The following XK variants were observed in gnomAD, a reference collection of about 807,000 sequenced individuals.
The protein encoded by XK is X-linked Kx blood group antigen, Kell and VPS13A binding protein.
A neutral mutation model predicts 14.0 loss-of-function variants in XK; 2 were observed. That is an observed-to-expected ratio of 0.14 (90% CI 0.06 to 0.45). The LOEUF (loss-of-function observed/expected upper bound fraction) is 0.45, where lower values mean the gene tolerates loss of function less well. Among genes scored for constraint, XK ranks in the 20% least tolerant of loss-of-function variants. The pLI, the probability that XK is intolerant of heterozygous loss-of-function variation, is 0.98. For missense variants in XK, 235 were observed against 341.5 expected, an observed-to-expected ratio of 0.69 and a Z score of 2.46; for synonymous variants, 149 against 147.5, an observed-to-expected ratio of 1.01 and a Z score of -0.08.
At chrX:37,726,182 G>A (rs1927969327) in intron 2 of XK, among the ~76,000 whole-genome samples, 2 of 111,316 alleles carry the variant, frequency 1.8e-5, no homozygotes, top group African/African-American at 6.5e-5. Context: ...CTCTGGTGGG[G>A]GATGTTGATA....
At chrX:37,692,826 G>A (rs782215405) in intron 1 of XK, among the ~76,000 whole-genome samples, 106 of 112,261 alleles carry the variant, frequency 9.4e-4, no homozygotes, top group Non-Finnish European at 1.4e-3. Context: ...GGACGTGCTT[G>A]GGATTGAACT....
At chrX:37,725,051 G>A (rs1398934725) in intron 2 of XK, among the ~76,000 whole-genome samples, 3 of 111,663 alleles carry the variant, frequency 2.7e-5, no homozygotes, top group Non-Finnish European at 5.7e-5. Context: ...AAGATATTAT[G>A]CTAAGTGAGA....
rs782136392 is a variant in XK at position 37,709,160 on chromosome X, C to T, written c.508+14612C>T. On this transcript the variant is annotated intron_variant, in intron 2 of 2. Transcript: ENST00000378616. ...TCATTTACAGACCCAAAGATAGAGC[C>T]TCTTTGTAGCATGTACAAATAACAA... Among the ~76,000 whole-genome samples the T allele has an allele frequency of 2.7e-5, 3 of 111,889 alleles. No homozygotes were observed. In the East Asian group the frequency reaches 8.4e-4, roughly 31 times the overall value.
At chrX:37,722,177 A>G (rs1556449097) in intron 2 of XK, among the ~76,000 whole-genome samples, 1 of 111,806 alleles carries the variant, frequency 8.9e-6, no homozygotes. Flanking sequence ...ATGTTTGTGA[A>G]TTATAGCTTC....
intron 2 of XK, among the ~76,000 whole-genome samples, chrX:37,716,043 C>T (rs1477669550): frequency 8.9e-6 from 1 of 111,964 alleles, no homozygotes; most frequent in Admixed American, 9.5e-5. Context: ...CTACCCACCT[C>T]CACACAAGGG....
chrX:37,702,302 T>C (rs1291669225), intron 2 of XK, among the ~76,000 whole-genome samples: 4 of 111,454 alleles, frequency 3.6e-5, no homozygotes, highest in Non-Finnish European at 7.5e-5. Context: ...CCTGGAAATA[T>C]GAGGTTCAGT....
At chrX:37,711,447 G>C (rs1186745491) in intron 2 of XK, among the ~76,000 whole-genome samples, 9 of 112,536 alleles carry the variant, frequency 8.0e-5, no homozygotes, top group Non-Finnish European at 1.7e-4. Flanking sequence ...TGCCCATGGG[G>C]CCACCCCCAA....
At chrX:37,721,222 A>G (rs1156819400) in intron 2 of XK, among the ~76,000 whole-genome samples, 3 of 111,258 alleles carry the variant, frequency 2.7e-5, no homozygotes, top group Non-Finnish European at 5.7e-5. Context: ...GTATAAAATG[A>G]TATCTCATTA....
rs1927062736 is a variant in XK, at chrX:37,686,052, G to A, written c.91G>A (p.Gly31Ser). ...ALSLSSTYRS[G>S]GDRMWQALTL... is the part of the protein sequence containing the mutation. ...CAGCCTGAGCAGCACCTACCGCTCG[G>A]GCGGGGACCGCATGTGGCAGGCGCT... The change falls in exon 1 of 3, where the codon GGC becomes AGC. Residue 31 changes from glycine (G) to serine (S), a missense_variant. By Grantham distance (56) the Gly-to-Ser change is moderately conservative. Transcript: ENST00000378616. 1 of 1,210,729 alleles carries A rather than the reference G, an allele frequency of 8.3e-7. No homozygotes were observed. Among genetic ancestry groups the A allele is most frequent in the East Asian group, 3.0e-5 (1 of 33,786 alleles).
At chrX:37,693,265 G>C (rs782251416) in intron 1 of XK, among the ~76,000 whole-genome samples, 1 of 111,357 alleles carries the variant, frequency 9.0e-6, no homozygotes, top group East Asian at 2.8e-4. Flanking sequence ...GTTAGAGGAG[G>C]GACAAAAAGT....
intron 2 of XK, among the ~76,000 whole-genome samples, chrX:37,703,211 T>C (rs1234189657): frequency 1.8e-5 from 2 of 112,426 alleles, no homozygotes; most frequent in African/African-American, 6.5e-5. Flanking sequence ...AGAGTCTTCA[T>C]GAAAACAGAT....
chrX:37,707,544 G>A (rs1556445575), intron 2 of XK, among the ~76,000 whole-genome samples: 3 of 108,061 alleles, frequency 2.8e-5, no homozygotes, highest in African/African-American at 7.0e-5. Flanking sequence ...CGGCTGCCGG[G>A]CGGAGGGGCT....
Position 37,690,222 on chromosome X carries a change from T to A in XK, c.245+4016T>A, listed in dbSNP as rs371253392. 5.5e-4 allele frequency among the ~76,000 whole-genome samples: 61 copies of A among 111,818 alleles called. No homozygotes were observed. The South Asian group carries it at 0.022, about 41-fold the overall frequency. On this transcript the variant is annotated intron_variant, in intron 1 of 2. Coordinates refer to ENST00000378616, the MANE Select transcript of XK (RefSeq NM_021083.4). ...TTCATCCATGGTAAAACCCTGTGAG[T>A]TAACTGTCATTATCTTATTTTTACA...
At chrX:37,705,182 A>G (rs1176544076) in intron 2 of XK, among the ~76,000 whole-genome samples, 2 of 111,330 alleles carry the variant, frequency 1.8e-5, no homozygotes, top group Non-Finnish European at 3.8e-5. Flanking sequence ...GTGGTAGCTC[A>G]CGCCTGTAAT....
At chrX:37,701,271 C>G (rs1261936578) in intron 2 of XK, among the ~76,000 whole-genome samples, 1 of 112,394 alleles carries the variant, frequency 8.9e-6, no homozygotes, top group Non-Finnish European at 1.9e-5. Context: ...TATCAATGGC[C>G]AAAAACAGGT....
chrX:37,728,355 A>G lies in XK; in HGVS notation c.1228A>G (p.Lys410Glu). ...RQQKPCEPIGKEDLQSSRDRD... is the reference protein window; with the variant it reads ...RQQKPCEPIGEEDLQSSRDRD... ...GCAAAAACCCTGTGAGCCGATAGGA[A>G]AGGAAGATCTACAGTCATCCAGAGA... The change falls in exon 3 of 3, where the codon AAG (lysine) becomes GAG (glutamate). Residue 410 changes from lysine (K) to glutamate (E), a missense_variant. Transcript: ENST00000378616. 1 of 1,210,665 alleles carries G rather than the reference A, an allele frequency of 8.3e-7. No individual in the cohort carries two copies.
At chrX:37,700,177 C>T (rs1418033211) in intron 2 of XK, among the ~76,000 whole-genome samples, 1 of 111,249 alleles carries the variant, frequency 9.0e-6, no homozygotes, top group African/African-American at 3.3e-5. Context: ...GGCAAGAAGG[C>T]CCAGAACAAT....
At chrX:37,704,778 T>A (rs1927480056) in intron 2 of XK, among the ~76,000 whole-genome samples, 1 of 111,049 alleles carries the variant, frequency 9.0e-6, no homozygotes, top group Non-Finnish European at 1.9e-5. Context: ...GAGGTGGCAG[T>A]GGGCCGAGGT....
At position 37,685,961 on chromosome X, in the gene XK, G is replaced by A; in HGVS notation, c.-1G>A. ...CCGGTGAGCGCCGCTGACGCGCGGA[G>A]ATGAAATTCCCGGCCTCGGTGCTGG... On this transcript the variant is annotated 5_prime_UTR_variant, in exon 1 of 3. Transcript: ENST00000378616. 1.7e-6 allele frequency: 2 copies of A among 1,206,003 alleles called. No homozygotes were observed. The highest frequency in any genetic ancestry group is 1.8e-5 in the South Asian group (1 of 56,112).
Sources: gnomAD v4.1 joint callset for allele counts (sites outside exome capture counted in the v4.1 genomes callset) on GRCh38, gnomAD v4.1.1 for gene constraint, MANE v1.5 for transcripts, NCBI Gene and HGNC (gene_info 2026-07-23, HGNC 2026-07-21) for gene names.